CYB5A: variants seen among roughly 807,000 people sequenced by gnomAD.
CYB5A encodes cytochrome b5.
In CYB5A, 10 loss-of-function variants were observed where a neutral mutation model predicts 16.2. The ratio of observed to expected loss-of-function variants is 0.62; its 90% CI spans 0.38 to 1.04. The LOEUF (loss-of-function observed/expected upper bound fraction) is 1.04, where lower values mean the gene tolerates loss of function less well. CYB5A is among the 50% of genes least tolerant of loss of function. The pLI, the probability that CYB5A is intolerant of heterozygous loss-of-function variation, is 0.01. For missense variants in CYB5A, 161 were observed against 165.9 expected, an observed-to-expected ratio of 0.97 and a Z score of 0.16; for synonymous variants, 62 against 57.0, an observed-to-expected ratio of 1.09 and a Z score of -0.40.
intron 2 of CYB5A, among the ~76,000 whole-genome samples, chr18:74,262,558 A>C (rs1012159802): frequency 6.6e-6 from 1 of 152,186 alleles, no homozygotes; most frequent in Non-Finnish European, 1.5e-5. Flanking sequence ...TCTGGGGTAC[A>C]GTGAGTAGAA....
At chr18:74,255,862 A>G in intron 3 of CYB5A, 87 bp from the exon 4 acceptor site, 2 of 1,079,594 alleles carry the variant, frequency 1.9e-6, no homozygotes. Flanking sequence ...AAATAAGAAC[A>G]CAATATTTTA....
intron 3 of CYB5A, 42 bp downstream of exon 3, chr18:74,260,873 A>G: frequency 6.3e-7 from 1 of 1,575,394 alleles, no homozygotes; most frequent in Non-Finnish European, 8.7e-7. Flanking sequence ...AGTATTAAAT[A>G]CAACGAGAAC....
intron 1 of CYB5A, among the ~76,000 whole-genome samples, chr18:74,284,013 A>G (rs1983220702): frequency 6.6e-6 from 1 of 152,162 alleles, no homozygotes; most frequent in Admixed American, 6.5e-5. Context: ...CGAGTGGATC[A>G]CTTGAGGTCA....
intron 3 of CYB5A, chr18:74,256,861 A>C (rs371569832): frequency 6.2e-7 from 1 of 1,613,540 alleles, no homozygotes; most frequent in Non-Finnish European, 8.5e-7. Flanking sequence ...TTCCTGACAC[A>C]GTAGGGGAAA....
At position 74,253,433 on chromosome 18, in the gene CYB5A, G is replaced by T; in HGVS notation, c.*151C>A. 7 of 603,182 alleles carry T rather than the reference G, an allele frequency of 1.2e-5. No homozygotes were observed. The highest frequency in any genetic ancestry group is 1.1e-4 in the Admixed American group (4 of 36,834). The allele number at this position is 603,182 out of a possible 1,614,324, so 37.4% of individuals were successfully genotyped here. A position where few individuals can be genotyped will look rare whatever the true frequency, so the allele number is the denominator to read the frequency against. ...GAGCGCAGAAAGGACAGTTCTTTTT[G>T]TTTTGTTTCTAATGTCGGAAGAAAA... On this transcript the variant is annotated 3_prime_UTR_variant, in exon 5 of 5. Coordinates refer to ENST00000340533, the MANE Select transcript of CYB5A (RefSeq NM_148923.4).
chr18:74,265,583 GT>G (rs1982401114), intron 1 of CYB5A, among the ~76,000 whole-genome samples: 1 of 152,196 alleles, frequency 6.6e-6, no homozygotes, highest in African/African-American at 2.4e-5. Context: ...ATGTTAGTCT[GT>G]TTTGTACTGC....
chr18:74,260,971 T>A (rs757744171), intron 2 of CYB5A, 27 bp from the exon 3 acceptor site: 4 of 1,602,156 alleles, frequency 2.5e-6, no homozygotes, highest in Non-Finnish European at 3.4e-6. Flanking sequence ...AGGCACATTA[T>A]GGAATTTAAA....
At chr18:74,266,217 A>G (rs1982428530) in intron 1 of CYB5A, among the ~76,000 whole-genome samples, 1 of 152,238 alleles carries the variant, frequency 6.6e-6, no homozygotes, top group Non-Finnish European at 1.5e-5. Flanking sequence ...TGTTGATTCC[A>G]GAAAAGTCTG....
At chr18:74,277,657 C>T (rs1982932378) in intron 1 of CYB5A, among the ~76,000 whole-genome samples, 1 of 152,158 alleles carries the variant, frequency 6.6e-6, no homozygotes, top group African/African-American at 2.4e-5. Context: ...TTAACTCTCC[C>T]AGGAGTGTGA....
intron 3 of CYB5A, 114 bp from the exon 4 acceptor site, chr18:74,255,889 G>A: frequency 1.2e-6 from 1 of 812,622 alleles, no homozygotes; most frequent in Non-Finnish European, 2.1e-6. Flanking sequence ...GCATTCTTCA[G>A]AAGATGTCGA....
At chr18:74,285,068 AG>A (rs1983267919) in intron 1 of CYB5A, among the ~76,000 whole-genome samples, 1 of 152,250 alleles carries the variant, frequency 6.6e-6, no homozygotes, top group African/African-American at 2.4e-5. Flanking sequence ...GTAATAGGAA[AG>A]GAAGCACACT....
At chr18:74,260,721 A>G in intron 3 of CYB5A, 194 bp downstream of exon 3, 1 of 659,350 alleles carries the variant, frequency 1.5e-6, no homozygotes, top group Non-Finnish European at 2.8e-6. Context: ...AATTACACAC[A>G]CGCCATCCTA....
intron 1 of CYB5A, among the ~76,000 whole-genome samples, chr18:74,267,920 G>T (rs1481685619): frequency 6.6e-6 from 1 of 152,216 alleles, no homozygotes; most frequent in Non-Finnish European, 1.5e-5. Flanking sequence ...GTGGGGAGAG[G>T]ATGTCGCGGG....
At chr18:74,290,041 G>A (rs1983474427) in intron 1 of CYB5A, among the ~76,000 whole-genome samples, 1 of 152,114 alleles carries the variant, frequency 6.6e-6, no homozygotes, top group Non-Finnish European at 1.5e-5. Flanking sequence ...AGCACACACT[G>A]TATCTTAAAA....
intron 1 of CYB5A, among the ~76,000 whole-genome samples, chr18:74,290,124 G>A (rs764774206): frequency 3.3e-5 from 5 of 152,100 alleles, no homozygotes; most frequent in Non-Finnish European, 4.4e-5. Context: ...GAGAGGACAG[G>A]TCAGCTCTGA....
At position 74,264,079 on chromosome 18, in the gene CYB5A, C is replaced by T. The variant is rs545089612; in HGVS notation, c.130-602G>A. 5.9e-5 allele frequency among the ~76,000 whole-genome samples: 9 copies of T among 152,110 alleles called. No homozygotes were observed. The South Asian group carries it at 6.2e-4, about 11-fold the overall frequency. ...TACAAAAATTAGCCAGCCGTGGTGG[C>T]GGGCACCTGTAGTCCCAGCTATTCA... On this transcript the variant is annotated intron_variant, in intron 1 of 4. Transcript: ENST00000340533.
At chr18:74,269,508 A>T (rs1275163500) in intron 1 of CYB5A, among the ~76,000 whole-genome samples, 1 of 136,274 alleles carries the variant, frequency 7.3e-6, no homozygotes, top group East Asian at 2.1e-4. Flanking sequence ...TCCCTCCCAC[A>T]CACAGCAGCT....
At chr18:74,263,868 C>T (rs1331439705) in intron 1 of CYB5A, among the ~76,000 whole-genome samples, 1 of 151,992 alleles carries the variant, frequency 6.6e-6, no homozygotes, top group East Asian at 1.9e-4. Context: ...GCAGTGACTG[C>T]ACCACTGCAC....
At chr18:74,279,290 G>A (rs1327514654) in intron 1 of CYB5A, among the ~76,000 whole-genome samples, 1 of 152,258 alleles carries the variant, frequency 6.6e-6, no homozygotes, top group Non-Finnish European at 1.5e-5. Flanking sequence ...CACTCTGGGA[G>A]GCCAAGGCAG....
Sources: allele counts gnomAD v4.1 joint callset (sites outside exome capture counted in the v4.1 genomes callset), GRCh38; gene constraint gnomAD v4.1.1; transcripts MANE v1.5; gene names NCBI Gene and HGNC (gene_info 2026-07-23, HGNC 2026-07-21).